The following XRCC4 variants were observed in gnomAD, a reference collection of about 807,000 sequenced individuals.
The protein encoded by XRCC4 is X-ray repair cross complementing 4, also known as DNA repair protein XRCC4.
In XRCC4, 28 loss-of-function variants were observed where a neutral mutation model predicts 39.1. That is an observed-to-expected ratio of 0.72 (90% CI 0.53 to 0.98). The LOEUF (loss-of-function observed/expected upper bound fraction) is 0.98. Ranked by LOEUF, XRCC4 falls within the 50% of genes least tolerant of loss-of-function variation. XRCC4 has a pLI of 0.00. For missense variants in XRCC4, 350 were observed against 376.4 expected (o/e 0.93, Z 0.58); for synonymous variants, 123 against 126.4 (o/e 0.97, Z 0.18).
chr5:83,163,318 A>T (rs932988272), intron 3 of XRCC4, among the ~76,000 whole-genome samples: 1 of 152,140 alleles, frequency 6.6e-6, no homozygotes, highest in Non-Finnish European at 1.5e-5. Context: ...ATTCTGAATA[A>T]ATGAGAATTG....
chr5:83,373,070 C>G, the XRCC4 span, among the ~76,000 whole-genome samples: 5 of 152,022 alleles, frequency 3.3e-5, no homozygotes, highest in African/African-American at 1.2e-4. Flanking sequence ...CTCTTTTGAA[C>G]ACTGATAGTC....
chr5:83,366,173 A>G, the XRCC4 span, among the ~76,000 whole-genome samples: 1 of 152,202 alleles, frequency 6.6e-6, no homozygotes, highest in Non-Finnish European at 1.5e-5. Context: ...GACTTCAAAT[A>G]TCTCTAAATC....
Position 83,242,010 on chromosome 5 carries a change from G to A in XRCC4, c.746-16520G>A, listed in dbSNP as rs79656439. 5.0e-3 allele frequency among the ~76,000 whole-genome samples: 754 copies of A among 152,012 alleles called. 3 individuals are homozygous for A. Among genetic ancestry groups the A allele is most frequent in the Middle Eastern group, 0.014 (4 of 294 alleles). On this transcript the variant is annotated intron_variant, in intron 6 of 7. Coordinates refer to ENST00000396027, the MANE Select transcript of XRCC4 (RefSeq NM_003401.5). ...GGAAGGGTTGGTCTTGCTGTCTCAG[G>A]GTGGCAGAGTCGGAAGAAGTGGAAG...
At chr5:83,299,619 ATTC>A (rs1467326117) in intron 7 of XRCC4, among the ~76,000 whole-genome samples, 1 of 152,040 alleles carries the variant, frequency 6.6e-6, no homozygotes, top group East Asian at 1.9e-4. Context: ...ATTCTCCATA[ATTC>A]TTCTAGCCTT....
chr5:83,088,673 AT>A (rs1191255205), intron 1 of XRCC4, among the ~76,000 whole-genome samples: 1 of 151,856 alleles, frequency 6.6e-6, no homozygotes, highest in Non-Finnish European at 1.5e-5. Flanking sequence ...TTAAAAATAA[AT>A]TTTTTTTTCT....
At chr5:83,306,157 T>C (rs1755476425) in intron 7 of XRCC4, among the ~76,000 whole-genome samples, 1 of 152,014 alleles carries the variant, frequency 6.6e-6, no homozygotes, top group South Asian at 2.1e-4. Context: ...AAACATGTGG[T>C]CCTCATCAAG....
At chr5:83,303,694 C>T (rs9784697) in intron 7 of XRCC4, among the ~76,000 whole-genome samples, 112 of 152,076 alleles carry the variant, frequency 7.4e-4, no homozygotes, top group African/African-American at 2.5e-3. Context: ...ACAAATAATA[C>T]AACAGCAAAT....
chr5:83,133,356 A>G (rs942040064), intron 3 of XRCC4, among the ~76,000 whole-genome samples: 3 of 152,156 alleles, frequency 2.0e-5, no homozygotes, highest in Non-Finnish European at 4.4e-5. Flanking sequence ...TTGAGGAGGC[A>G]GTCTGTCCAT....
chr5:83,184,650 A>G (rs1750355712), intron 3 of XRCC4, among the ~76,000 whole-genome samples: 1 of 152,142 alleles, frequency 6.6e-6, no homozygotes, highest in Non-Finnish European at 1.5e-5. Flanking sequence ...CCATAGCATG[A>G]TAATTTTATC....
chr5:83,204,768 C>A (rs965688821), intron 5 of XRCC4, 47 bp from the exon 6 acceptor site: 1 of 1,437,158 alleles, frequency 7.0e-7, no homozygotes, highest in East Asian at 2.3e-5. Context: ...TGCTGCCTAG[C>A]AGGGGGTGAG....
At chr5:83,204,969 C>A in intron 6 of XRCC4, 48 bp downstream of exon 6, 1 of 1,253,488 alleles carries the variant, frequency 8.0e-7, no homozygotes, top group South Asian at 1.4e-5. Context: ...CTTATTTGGG[C>A]TTCTTATTCT....
intron 7 of XRCC4, among the ~76,000 whole-genome samples, chr5:83,270,516 T>G (rs1381863298): frequency 6.6e-6 from 1 of 152,002 alleles, no homozygotes; most frequent in Non-Finnish European, 1.5e-5. Flanking sequence ...CCTACTCCCT[T>G]TTTTTCCCAT....
At chr5:83,217,423 A>G (rs1298957695) in intron 6 of XRCC4, among the ~76,000 whole-genome samples, 3 of 151,690 alleles carry the variant, frequency 2.0e-5, no homozygotes, top group Admixed American at 1.3e-4. Context: ...TGTACATCCT[A>G]GGTCAAGAAA....
chr5:83,202,903 T>G (rs1751268172), intron 4 of XRCC4, among the ~76,000 whole-genome samples: 1 of 152,168 alleles, frequency 6.6e-6, no homozygotes. Flanking sequence ...AATAGAGAAT[T>G]TTGTATGTTT....
intron 6 of XRCC4, among the ~76,000 whole-genome samples, chr5:83,227,584 G>T (rs1051310651): frequency 3.3e-5 from 5 of 151,994 alleles, no homozygotes; most frequent in African/African-American, 4.8e-5. Context: ...GTTATCTAAA[G>T]GTAGTTGTTA....
chr5:83,219,217 T>C (rs1751989517), intron 6 of XRCC4, among the ~76,000 whole-genome samples: 1 of 152,212 alleles, frequency 6.6e-6, no homozygotes, highest in Non-Finnish European at 1.5e-5. Context: ...ATTTTAACTT[T>C]ATTACCTCTG....
chr5:83,293,736 G>A (rs1755001760), intron 7 of XRCC4, among the ~76,000 whole-genome samples: 1 of 151,988 alleles, frequency 6.6e-6, no homozygotes, highest in Non-Finnish European at 1.5e-5. Flanking sequence ...CATGATACTT[G>A]TACATTGAGT....
At chr5:83,309,689 G>C (rs111478873) in intron 7 of XRCC4, among the ~76,000 whole-genome samples, 2,839 of 145,130 alleles carry the variant, frequency 0.02, 100 homozygotes, top group African/African-American at 0.067. Context: ...GCGTGAACCC[G>C]GGAGGCGGAG....
At chr5:83,256,182 C>T (rs1196957379) in intron 6 of XRCC4, among the ~76,000 whole-genome samples, 1 of 152,108 alleles carries the variant, frequency 6.6e-6, no homozygotes. Flanking sequence ...ATTTCTGATC[C>T]CATCAGCCTG....
Sources: gnomAD v4.1 joint callset for allele counts (sites outside exome capture counted in the v4.1 genomes callset) on GRCh38, gnomAD v4.1.1 for gene constraint, MANE v1.5 for transcripts, NCBI Gene and HGNC (gene_info 2026-07-23, HGNC 2026-07-21) for gene names.